The following OSBPL6 variants were observed in gnomAD, a reference collection of about 807,000 sequenced individuals.
OSBPL6 encodes the protein oxysterol binding protein like 6.
A neutral mutation model predicts 125.8 loss-of-function variants in OSBPL6; 49 were observed. The observed-to-expected ratio is 0.39, with a 90% CI of 0.31 to 0.49. The LOEUF (loss-of-function observed/expected upper bound fraction) is 0.49, where lower values mean the gene tolerates loss of function less well. OSBPL6 is among the 20% of genes least tolerant of loss of function. The pLI is 0.88. For missense variants in OSBPL6, 986 were observed against 1,135.4 expected (o/e 0.87, Z 1.89); for synonymous variants, 394 against 391.8 (o/e 1.01, Z -0.07).
intron 12 of OSBPL6, among the ~76,000 whole-genome samples, chr2:178,360,468 G>T (rs754468345): frequency 1.3e-4 from 20 of 151,990 alleles, no homozygotes; most frequent in Admixed American, 2.6e-4. Flanking sequence ...ACATCATGTT[G>T]TATACATTAA....
intron 1 of OSBPL6, among the ~76,000 whole-genome samples, chr2:178,225,823 C>A (rs2090538127): frequency 6.6e-6 from 1 of 152,154 alleles, no homozygotes; most frequent in Admixed American, 6.5e-5. Flanking sequence ...AAAGACCCAC[C>A]TTCATGATTC....
intron 1 of OSBPL6, among the ~76,000 whole-genome samples, chr2:178,267,210 C>T (rs374426418): frequency 3.0e-4 from 45 of 151,918 alleles, no homozygotes; most frequent in Middle Eastern, 3.4e-3. Flanking sequence ...AAAAATTAGC[C>T]GGGCATGGTG....
intron 3 of OSBPL6, among the ~76,000 whole-genome samples, chr2:178,307,858 A>G (rs181235875): frequency 5.9e-5 from 9 of 152,278 alleles, no homozygotes; most frequent in Admixed American, 2.0e-4. Flanking sequence ...AGAAACATCT[A>G]TCATGCGTTG....
At chr2:178,259,970 A>G (rs1559172665) in intron 1 of OSBPL6, among the ~76,000 whole-genome samples, 1 of 152,230 alleles carries the variant, frequency 6.6e-6, no homozygotes, top group Non-Finnish European at 1.5e-5. Flanking sequence ...TTACCATAGC[A>G]GCGATGGATG....
chr2:178,361,962 G>A (rs758031735), intron 13 of OSBPL6, 147 bp downstream of exon 13: 2 of 1,005,948 alleles, frequency 2.0e-6, no homozygotes, highest in Non-Finnish European at 2.8e-6. Context: ...TGCAGTGTCA[G>A]TATTAGATTT....
chr2:178,259,224 T>C (rs2091981143), intron 1 of OSBPL6, among the ~76,000 whole-genome samples: 1 of 152,232 alleles, frequency 6.6e-6, no homozygotes, highest in Non-Finnish European at 1.5e-5. Flanking sequence ...TGTACCTGCA[T>C]ATATGTTTTT....
chr2:178,204,025 C>CTTTTTTTTTTTTTTTTTT (rs1166160655), intron 1 of OSBPL6, among the ~76,000 whole-genome samples: 1 of 129,004 alleles, frequency 7.8e-6, no homozygotes, highest in Non-Finnish European at 1.6e-5. Flanking sequence ...TTTTCTTTTT[C>CTTTTTTTTTTTTTTTTTT]TTTTTTTTTT....
Position 178,396,189 on chromosome 2 carries a change from A to G in OSBPL6, c.*630A>G, listed in dbSNP as rs933081953. ...GTTTATGTGAAGAACAGATTTTTTG[A>G]ATCATGGCATGATTCACTTTCTCAA... On this transcript the variant is annotated 3_prime_UTR_variant, in exon 25 of 25. Transcript: ENST00000190611. 1 of 161,410 alleles carries G rather than the reference A, an allele frequency of 6.2e-6. No individual in the cohort carries two copies. Among genetic ancestry groups the G allele is most frequent in the African/African-American group, 2.4e-5 (1 of 41,524 alleles). The allele number at this position is 161,410 out of a possible 1,614,324, so 10.0% of individuals were successfully genotyped here. A position where few individuals can be genotyped will look rare whatever the true frequency, so the allele number is the denominator to read the frequency against.
intron 1 of OSBPL6, among the ~76,000 whole-genome samples, chr2:178,266,367 A>G (rs1007521919): frequency 6.6e-6 from 1 of 152,224 alleles, no homozygotes; most frequent in Admixed American, 6.5e-5. Flanking sequence ...ATGATACCTT[A>G]TAATTTACAG....
At chr2:178,252,776 G>C (rs896711835) in intron 1 of OSBPL6, among the ~76,000 whole-genome samples, 1 of 152,118 alleles carries the variant, frequency 6.6e-6, no homozygotes, top group African/African-American at 2.4e-5. Context: ...GATGTCTGCT[G>C]TTCTTTCCTT....
At chr2:178,391,665 CAA>C (rs1170504055) in intron 22 of OSBPL6, among the ~76,000 whole-genome samples, 1 of 152,172 alleles carries the variant, frequency 6.6e-6, no homozygotes. Context: ...ACTTGAGCCT[CAA>C]GAGACAGCAA....
chr2:178,226,029 C>T (rs1349609475), intron 1 of OSBPL6, among the ~76,000 whole-genome samples: 2 of 152,120 alleles, frequency 1.3e-5, no homozygotes, highest in African/African-American at 4.8e-5. Flanking sequence ...GCAAAGCAGC[C>T]CGGAGCTAGT....
chr2:178,348,235 G>C (rs560229388), intron 11 of OSBPL6, among the ~76,000 whole-genome samples: 1 of 152,214 alleles, frequency 6.6e-6, no homozygotes, highest in Non-Finnish European at 1.5e-5. Context: ...GTTAGCCAGG[G>C]GGTGTGAATT....
At chr2:178,247,541 G>A (rs913415627) in intron 1 of OSBPL6, among the ~76,000 whole-genome samples, 1 of 152,074 alleles carries the variant, frequency 6.6e-6, no homozygotes, top group African/African-American at 2.4e-5. Flanking sequence ...TGAGGGTCTG[G>A]CATGTCTTGC....
chr2:178,196,868 C>T (rs1173721579), intron 1 of OSBPL6, among the ~76,000 whole-genome samples: 1 of 152,168 alleles, frequency 6.6e-6, no homozygotes, highest in African/African-American at 2.4e-5. Flanking sequence ...AAAAGGGTCT[C>T]ATAGTATCCA....
chr2:178,400,004 A>G lies in OSBPL6; in HGVS notation c.*4445A>G, dbSNP rs527839909. 1.3e-5 allele frequency: 2 copies of G among 152,294 alleles called. No individual in the cohort carries two copies. The highest frequency in any genetic ancestry group is 2.9e-5 in the Non-Finnish European group (2 of 68,022). 9.4% of individuals were successfully genotyped at this position (152,294 alleles called of 1,614,324 possible). On this transcript the variant is annotated 3_prime_UTR_variant, in exon 25 of 25. Transcript: ENST00000190611. ...TTTTTCTAGCCATTCCTTCCTCCCA[A>G]ATAGAAGTGAGGGCAATTGTAGAGA... is the stretch of plus-strand genomic sequence containing the variant.
At position 178,194,653 on chromosome 2, in the gene OSBPL6, G is replaced by C. The variant is rs1003154756; in HGVS notation, c.-372G>C. ...GCCGCGCAGCCGCCGCAGAGTCCGCGGCGCCACCGCTCGCCCTCCAGGTAG... is the reference window on the plus strand; with the variant it reads ...GCCGCGCAGCCGCCGCAGAGTCCGCCGCGCCACCGCTCGCCCTCCAGGTAG... On this transcript the variant is annotated 5_prime_UTR_variant, in exon 1 of 25. Transcript: ENST00000190611. 6.5e-6 allele frequency: 1 copy of C among 152,828 alleles called. No homozygotes were observed. The highest frequency in any genetic ancestry group is 6.5e-5 in the Admixed American group (1 of 15,278). 9.5% of individuals were successfully genotyped at this position (152,828 alleles called of 1,614,324 possible).
intron 1 of OSBPL6, among the ~76,000 whole-genome samples, chr2:178,218,226 T>TA (rs1032941038): frequency 6.6e-6 from 1 of 152,128 alleles, no homozygotes; most frequent in African/African-American, 2.4e-5. Flanking sequence ...TGGAAGGTGT[T>TA]AAAGATTTTA....
At chr2:178,208,813 T>TTCCTCTCTTCTTTCCTTCCTCCC (rs2089690309) in intron 1 of OSBPL6, among the ~76,000 whole-genome samples, 5 of 17,160 alleles carry the variant, frequency 2.9e-4, no homozygotes, top group East Asian at 5.6e-3. Flanking sequence ...TCCTCCCCTT[T>TTCCTCTCTTCTTTCCTTCCTCCC]CTTTCTTTTT....
Sources: allele counts gnomAD v4.1 joint callset (sites outside exome capture counted in the v4.1 genomes callset), GRCh38; gene constraint gnomAD v4.1.1; transcripts MANE v1.5; gene names NCBI Gene and HGNC (gene_info 2026-07-23, HGNC 2026-07-21).